The following NEB variants were observed in gnomAD, a reference collection of about 807,000 sequenced individuals.
NEB encodes the protein nemaline myopathy type 2.
Under a neutral mutation model 952.2 loss-of-function variants are expected in NEB, and 512 were observed. That is an observed-to-expected ratio of 0.54 (90% confidence interval 0.50 to 0.58). The LOEUF is 0.58. Ranked by LOEUF, NEB falls within the 20% of genes least tolerant of loss-of-function variation. The pLI is 0.00. For synonymous variants in NEB, 2,900 were observed against 3,149.8 expected, an observed-to-expected ratio of 0.92 and a Z score of 2.66; for missense variants, 8,428 against 9,231.1, an observed-to-expected ratio of 0.91 and a Z score of 3.56.
chr2:151,497,856 G>A, intron 170 of NEB, 138 bp from the exon 171 acceptor site: 9 of 1,513,066 alleles, frequency 5.9e-6, no homozygotes, highest in Non-Finnish European at 7.9e-6. Context: ...GACTACTTTA[G>A]TGGAAGCTGT....
At chr2:151,714,308 T>C (rs572244289) in intron 10 of NEB, among the ~76,000 whole-genome samples, 4 of 152,314 alleles carry the variant, frequency 2.6e-5, no homozygotes, top group East Asian at 1.9e-4. Flanking sequence ...TCATAAACCA[T>C]TGTTCGCTTT....
At chr2:151,684,328 T>C (rs1170021854) in intron 28 of NEB, among the ~76,000 whole-genome samples, 2 of 152,214 alleles carry the variant, frequency 1.3e-5, no homozygotes, top group South Asian at 2.1e-4. Context: ...AAAACCGTTA[T>C]AAATATTTAT....
rs1318127087 is a variant in NEB at position 151,507,070 on chromosome 2, T to C, written c.23452-57A>G. 13 of 1,089,862 alleles carry C rather than the reference T, an allele frequency of 1.2e-5. No homozygotes were observed. In the East Asian group the frequency reaches 3.1e-4, roughly 26 times the overall value. 67.5% of individuals were successfully genotyped at this position (1,089,862 alleles called of 1,614,324 possible). A position where few individuals can be genotyped will look rare whatever the true frequency, so the allele number is the denominator to read the frequency against. ...TTTCAACATTGCTTTGTTTTCTTTA[T>C]TTGTCCTATATTATGTGAAGAAAAT... On this transcript the variant is annotated intron_variant, in intron 162 of 181. Coordinates refer to ENST00000397345, the MANE Select transcript of NEB (RefSeq NM_001164508.2).
At chr2:151,572,584 C>T (rs2096675194) in intron 107 of NEB, among the ~76,000 whole-genome samples, 1 of 144,566 alleles carries the variant, frequency 6.9e-6, no homozygotes, top group South Asian at 2.2e-4. Flanking sequence ...CTCGCTCTGT[C>T]ACCCAAGCTG....
intron 9 of NEB, among the ~76,000 whole-genome samples, chr2:151,720,352 C>G (rs899351060): frequency 8.5e-5 from 13 of 152,346 alleles, no homozygotes; most frequent in African/African-American, 2.4e-4. Context: ...CAACAGCTTG[C>G]TTAGGGCTCT....
chr2:151,575,884 G>T, intron 106 of NEB, 85 bp from the exon 107 acceptor site: 1 of 1,021,688 alleles, frequency 9.8e-7, no homozygotes, highest in Non-Finnish European at 1.5e-6. Context: ...TTTTCTTTTG[G>T]ATTTGATCCA....
chr2:151,494,608 G>A (rs897922544), intron 173 of NEB, among the ~76,000 whole-genome samples: 7 of 152,102 alleles, frequency 4.6e-5, no homozygotes, highest in African/African-American at 1.7e-4. Context: ...GAAGGTTGAG[G>A]CTGTTCCTAA....
chr2:151,562,645 A>G lies in NEB; in HGVS notation c.18857T>C (p.Ile6286Thr), dbSNP rs368967111. The change falls in exon 120 of 182, where the codon ATA (isoleucine) becomes ACA (threonine). Residue 6286 changes from isoleucine (I) to threonine (T), a missense_variant. Coordinates refer to ENST00000397345, the MANE Select transcript of NEB (RefSeq NM_001164508.2). ...GATCTCCTGGGCGTTTCGGACGCGT[A>G]TAACATTGGGTTCTTCCAGAAGAGA... is the stretch of plus-strand genomic sequence containing the variant. Reference protein sequence around the residue: ...WTSLLEEPNVIRVRNAQEILS... With the variant: ...WTSLLEEPNVTRVRNAQEILS... 4.4e-6 allele frequency: 7 copies of G among 1,591,490 alleles called. No individual in the cohort carries two copies. Among genetic ancestry groups the G allele is most frequent in the South Asian group, 1.1e-5 (1 of 89,438 alleles).
In NEB at chr2:151,679,964, A is replaced by G. The variant is rs2099402325; in HGVS notation, c.3101T>C (p.Leu1034Pro). The change falls in exon 31 of 182, where the codon CTG (leucine) becomes CCG (proline). Residue 1034 changes from leucine (L) to proline (P), a missense_variant. Coordinates refer to ENST00000397345, the MANE Select transcript of NEB (RefSeq NM_001164508.2). Reference sequence around the variant, plus strand: ...AACTTTAGCCTGGATGAACTGGGGCAGGTCTGGTGGCAGGTTGTATTTGTG... The same window carrying G: ...AACTTTAGCCTGGATGAACTGGGGCGGGTCTGGTGGCAGGTTGTATTTGTG... ...IIHKYNLPPDLPQFIQAKVNA... is the reference protein window; with the variant it reads ...IIHKYNLPPDPPQFIQAKVNA... 1 of 1,613,902 alleles carries G rather than the reference A, an allele frequency of 6.2e-7. No homozygotes were observed. Among genetic ancestry groups the G allele is most frequent in the South Asian group, 1.1e-5 (1 of 91,090 alleles).
chr2:151,563,500 A>T, intron 119 of NEB, 106 bp downstream of exon 119: 1 of 937,910 alleles, frequency 1.1e-6, no homozygotes, highest in Non-Finnish European at 1.7e-6. Flanking sequence ...ACCCTACGCT[A>T]CTCCATTTCC....
At chr2:151,517,614 A>T (rs560213816) in intron 156 of NEB, among the ~76,000 whole-genome samples, 1 of 152,274 alleles carries the variant, frequency 6.6e-6, no homozygotes, top group Non-Finnish European at 1.5e-5. Flanking sequence ...ACAAACCTAG[A>T]TGGTATAGCC....
intron 35 of NEB, 115 bp from the exon 36 acceptor site, chr2:151,674,699 T>C: frequency 1.4e-6 from 1 of 736,004 alleles, no homozygotes. Flanking sequence ...ACATACTGCT[T>C]TAGGAAATCA....
Position 151,664,487 on chromosome 2 carries a change from G to A in NEB, c.5451+14C>T, listed in dbSNP as rs2099186881. 1.9e-6 allele frequency: 3 copies of A among 1,554,786 alleles called. No individual in the cohort carries two copies. The highest frequency in any genetic ancestry group is 1.2e-5 in the South Asian group (1 of 80,566). On this transcript the variant is annotated intron_variant, in intron 44 of 181. Coordinates refer to ENST00000397345, the MANE Select transcript of NEB (RefSeq NM_001164508.2). ...ACTTGCTCAACCCCAAAAAGGCCCA[G>A]TGCAAGCACTTACATCACTGGCAAT...
At chr2:151,628,051 G>A (rs988026752) in intron 68 of NEB, among the ~76,000 whole-genome samples, 1 of 152,062 alleles carries the variant, frequency 6.6e-6, no homozygotes, top group Non-Finnish European at 1.5e-5. Flanking sequence ...TAGTCTAACA[G>A]CAACAGTCTA....
intron 139 of NEB, 75 bp downstream of exon 139, chr2:151,538,065 G>A: frequency 6.6e-7 from 1 of 1,509,084 alleles, no homozygotes; most frequent in Non-Finnish European, 9.2e-7. Flanking sequence ...GAAGAGGGAG[G>A]TTGCTAAAAA....
rs765622241 is a variant in NEB at position 151,508,139 on chromosome 2, G to T, written c.23347-30C>A. The T allele has an allele frequency of 1.3e-5, 19 of 1,494,324 alleles. No homozygotes were observed. In the African/African-American group the frequency reaches 2.5e-4, roughly 20 times the overall value. The allele number at this position is 1,494,324 out of a possible 1,614,324, so 92.6% of individuals were successfully genotyped here. A position where few individuals can be genotyped will look rare whatever the true frequency, so the allele number is the denominator to read the frequency against. ...GAATAGATTCCAAGAAATAAGGAGG[G>T]TAAACACCACAGGGATATAGGCCAA... On this transcript the variant is annotated intron_variant, in intron 161 of 181. Coordinates refer to ENST00000397345, the MANE Select transcript of NEB (RefSeq NM_001164508.2).
At chr2:151,533,135 G>T (rs2092161136) in intron 143 of NEB, among the ~76,000 whole-genome samples, 1 of 152,104 alleles carries the variant, frequency 6.6e-6, no homozygotes, top group Non-Finnish European at 1.5e-5. Flanking sequence ...AATCTCTAAG[G>T]AATCTATTTC....
rs749308804 is a variant in NEB, at chr2:151,662,286, A to G, written c.5819T>C (p.Leu1940Pro). Residue 1940 changes from leucine (L) to proline (P), a missense_variant, in exon 46 of 182, where the codon CTG becomes CCG. By Grantham distance (98) the Leu-to-Pro change is moderately conservative. Transcript: ENST00000397345. ...GTTTTTCTCTGCTTCCAGGGAGCCC[A>G]GAGGGAGCCATCCAATGCCCTTCAT... Reference protein sequence around the residue: ...DFMKGIGWLPLGSLEAEKNKK... With the variant: ...DFMKGIGWLPPGSLEAEKNKK... 93 of 1,613,564 alleles carry G rather than the reference A, an allele frequency of 5.8e-5. No individual in the cohort carries two copies. Among genetic ancestry groups the G allele is most frequent in the Non-Finnish European group, 7.7e-5 (91 of 1,179,670 alleles).
intron 180 of NEB, 40 bp downstream of exon 180, chr2:151,490,332 G>A: frequency 6.4e-7 from 1 of 1,570,616 alleles, no homozygotes. Context: ...CAATGAGCTG[G>A]CCGGGTGGGA....
Sources: allele counts gnomAD v4.1 joint callset (sites outside exome capture counted in the v4.1 genomes callset), GRCh38; gene constraint gnomAD v4.1.1; transcripts MANE v1.5; gene names NCBI Gene and HGNC (gene_info 2026-07-23, HGNC 2026-07-21).